NRCAM: variants seen among roughly 807,000 people sequenced by gnomAD.
NRCAM encodes the protein NgCAM-related cell adhesion molecule.
In NRCAM, 83 loss-of-function variants were observed where a neutral mutation model predicts 156.5. The observed-to-expected ratio is 0.53, with a 90% confidence interval of 0.44 to 0.64. The LOEUF (loss-of-function observed/expected upper bound fraction) is 0.64, where lower values mean the gene tolerates loss of function less well. NRCAM is among the 30% of genes least tolerant of loss of function. The pLI is 0.00. For synonymous variants in NRCAM, 538 were observed against 563.9 expected, an observed-to-expected ratio of 0.95 and a Z score of 0.65; for missense variants, 1,417 against 1,597.3, an observed-to-expected ratio of 0.89 and a Z score of 1.92.
intron 20 of NRCAM, among the ~76,000 whole-genome samples, chr7:108,188,305 AAGG>A (rs1261884954): frequency 6.6e-6 from 1 of 152,018 alleles, no homozygotes; most frequent in Admixed American, 6.6e-5. Flanking sequence ...AGCCTTAGAG[AAGG>A]AGAAGCAGAT....
chr7:108,298,136 G>T (rs2098488982), intron 3 of NRCAM, among the ~76,000 whole-genome samples: 1 of 152,002 alleles, frequency 6.6e-6, no homozygotes, highest in South Asian at 2.1e-4. Flanking sequence ...ACTAAATACG[G>T]ATTTAAATAA....
At chr7:108,393,243 A>G (rs2099766678) in intron 2 of NRCAM, among the ~76,000 whole-genome samples, 1 of 151,966 alleles carries the variant, frequency 6.6e-6, no homozygotes. Context: ...AGCTTTGTTT[A>G]TCTACTCAAG....
intron 2 of NRCAM, among the ~76,000 whole-genome samples, chr7:108,336,346 T>C (rs2099190446): frequency 6.6e-6 from 1 of 152,150 alleles, no homozygotes. Context: ...ACGCAGTGTT[T>C]ACAAAAATAA....
At chr7:108,403,193 T>C (rs889154753) in intron 1 of NRCAM, among the ~76,000 whole-genome samples, 2 of 152,232 alleles carry the variant, frequency 1.3e-5, no homozygotes, top group African/African-American at 4.8e-5. Context: ...AATCTTTTTG[T>C]AGGTCTTTTT....
chr7:108,213,891 A>T (rs1302538390), intron 11 of NRCAM, among the ~76,000 whole-genome samples: 1 of 152,164 alleles, frequency 6.6e-6, no homozygotes, highest in Non-Finnish European at 1.5e-5. Context: ...TATGTGATAG[A>T]TTATGTTTAT....
At chr7:108,373,714 T>C (rs990742545) in intron 2 of NRCAM, among the ~76,000 whole-genome samples, 5 of 152,182 alleles carry the variant, frequency 3.3e-5, no homozygotes, top group African/African-American at 9.7e-5. Context: ...AGGGCAAGAC[T>C]TGTGAACTTG....
chr7:108,188,125 C>A (rs1179937282), intron 20 of NRCAM, among the ~76,000 whole-genome samples: 7 of 152,166 alleles, frequency 4.6e-5, no homozygotes, highest in Non-Finnish European at 1.5e-5. Flanking sequence ...AAGCCTCAGA[C>A]TACAGTATAG....
intron 2 of NRCAM, among the ~76,000 whole-genome samples, chr7:108,368,559 G>A (rs2099608229): frequency 6.6e-6 from 1 of 152,110 alleles, no homozygotes; most frequent in African/African-American, 2.4e-5. Flanking sequence ...AACAACAGCA[G>A]CCCAATAAAT....
chr7:108,449,107 A>C (rs1350130601), intron 1 of NRCAM, among the ~76,000 whole-genome samples: 5 of 152,206 alleles, frequency 3.3e-5, no homozygotes. Context: ...GTACAGCAGC[A>C]AACTGAACTT....
At chr7:108,195,958 T>C (rs1023877074) in intron 14 of NRCAM, 86 bp from the exon 15 acceptor site, 1 of 887,836 alleles carries the variant, frequency 1.1e-6, no homozygotes, top group Non-Finnish European at 1.8e-6. Flanking sequence ...TTAAGGTCAT[T>C]AAAGTTTATG....
At chr7:108,377,464 T>G (rs1020451090) in intron 2 of NRCAM, among the ~76,000 whole-genome samples, 1 of 152,106 alleles carries the variant, frequency 6.6e-6, no homozygotes, top group Non-Finnish European at 1.5e-5. Flanking sequence ...TTATTGAGAG[T>G]GGATTGTACC....
chr7:108,374,618 G>A (rs1224160330), intron 2 of NRCAM, among the ~76,000 whole-genome samples: 2 of 152,150 alleles, frequency 1.3e-5, no homozygotes, highest in Non-Finnish European at 2.9e-5. Flanking sequence ...AATATGAAGT[G>A]AGATTTCAAT....
At chr7:108,281,513 A>G (rs1362229198) in intron 3 of NRCAM, among the ~76,000 whole-genome samples, 1 of 152,238 alleles carries the variant, frequency 6.6e-6, no homozygotes, top group African/African-American at 2.4e-5. Context: ...ATGAATCAAA[A>G]AGGTTTCATG....
rs116577119 is a variant in NRCAM at position 108,324,051 on chromosome 7, G to T, written c.-173-11320C>A. ...GGGAGATGAAGTAAGGGATGGAAAG[G>T]GGCACCACATGATCTAGGGCAAGAC... is the stretch of plus-strand genomic sequence containing the variant. On this transcript the variant is annotated intron_variant, in intron 2 of 32. Transcript: ENST00000379028. Among the ~76,000 whole-genome samples, 709 of 152,066 alleles carry T rather than the reference G, an allele frequency of 4.7e-3. 7 individuals are homozygous for T. Among genetic ancestry groups the T allele is most frequent in the African/African-American group, 0.016 (681 of 41,468 alleles).
intron 2 of NRCAM, among the ~76,000 whole-genome samples, chr7:108,324,695 C>G (rs1441997503): frequency 6.6e-6 from 1 of 152,130 alleles, no homozygotes; most frequent in East Asian, 1.9e-4. Flanking sequence ...ATGAGGCCAA[C>G]AGCTTCCACT....
At position 108,435,174 on chromosome 7, in the gene NRCAM, A is replaced by C. The variant is rs140304700; in HGVS notation, c.-332+21069T>G. On this transcript the variant is annotated intron_variant, in intron 1 of 32. Transcript: ENST00000379028. ...AAAAATTAAAGGAAAATCTGATGCC[A>C]ATTTCTCAACTAATAGATAATCTCA... Among the ~76,000 whole-genome samples, 912 of 152,346 alleles carry C rather than the reference A, an allele frequency of 6.0e-3. 12 individuals are homozygous for C. The highest frequency in any genetic ancestry group is 0.02 in the African/African-American group (852 of 41,580).
intron 19 of NRCAM, among the ~76,000 whole-genome samples, chr7:108,190,832 T>C (rs938352284): frequency 5.9e-5 from 9 of 152,170 alleles, no homozygotes; most frequent in Admixed American, 3.9e-4. Flanking sequence ...TTCTTGAAAA[T>C]GGAATCCCAA....
Position 108,449,890 on chromosome 7 carries a change from TTG to T in NRCAM, c.-332+6351_-332+6352del, listed in dbSNP as rs1159506828. Among the ~76,000 whole-genome samples, 3 of 149,034 alleles carry T rather than the reference TTG, an allele frequency of 2.0e-5. No homozygotes were observed. In the East Asian group the frequency reaches 5.8e-4, roughly 29 times the overall value. Reference sequence around the variant, plus strand: ...AGACCTCCTACAGGATTCCCTCAGATTGCCCTAGAAATAGATTTTTTTTTTTT... The same window carrying T: ...AGACCTCCTACAGGATTCCCTCAGATCCCTAGAAATAGATTTTTTTTTTTT... On this transcript the variant is annotated intron_variant, in intron 1 of 32. Coordinates refer to ENST00000379028, the MANE Select transcript of NRCAM (RefSeq NM_001037132.4).
intron 2 of NRCAM, among the ~76,000 whole-genome samples, chr7:108,361,192 T>C (rs984861368): frequency 6.6e-6 from 1 of 152,320 alleles, no homozygotes; most frequent in East Asian, 1.9e-4. Flanking sequence ...AAATGCAATA[T>C]ACATCTATTA....
Sources: allele counts gnomAD v4.1 joint callset (sites outside exome capture counted in the v4.1 genomes callset), GRCh38; gene constraint gnomAD v4.1.1; transcripts MANE v1.5; gene names NCBI Gene and HGNC (gene_info 2026-07-23, HGNC 2026-07-21).